PLXNA2: variants seen among roughly 807,000 people sequenced by gnomAD.
The protein encoded by PLXNA2 is plexin-A2.
A neutral mutation model predicts 193.5 loss-of-function variants in PLXNA2; 91 were observed. The ratio of observed to expected loss-of-function variants is 0.47; its 90% CI spans 0.40 to 0.56. The LOEUF (loss-of-function observed/expected upper bound fraction) is 0.56. Ranked by LOEUF, PLXNA2 falls within the 20% of genes least tolerant of loss-of-function variation. PLXNA2 has a pLI of 0.00. For missense variants in PLXNA2, 1,995 were observed against 2,503.2 expected, an observed-to-expected ratio of 0.80 and a Z score of 4.33; for synonymous variants, 997 against 1,027.3, an observed-to-expected ratio of 0.97 and a Z score of 0.56.
intron 3 of PLXNA2, among the ~76,000 whole-genome samples, chr1:208,144,467 A>G (rs539936587): frequency 2.7e-4 from 41 of 152,274 alleles, no homozygotes; most frequent in African/African-American, 8.2e-4. Flanking sequence ...CCATGAGTCC[A>G]TCGTGGGGTG....
At chr1:208,035,921 C>G (rs577304242) in intron 26 of PLXNA2, among the ~76,000 whole-genome samples, 1 of 152,172 alleles carries the variant, frequency 6.6e-6, no homozygotes, top group Non-Finnish European at 1.5e-5. Flanking sequence ...TCTGCAGAAG[C>G]CTGGGAAGTT....
chr1:208,082,620 A>G lies in PLXNA2; in HGVS notation c.2299-112T>C. The G allele has an allele frequency of 1.3e-6, 1 of 782,312 alleles. No homozygotes were observed. Among genetic ancestry groups the G allele is most frequent in the South Asian group, 1.5e-5 (1 of 67,448 alleles). The allele number at this position is 782,312 out of a possible 1,614,324, so 48.5% of individuals were successfully genotyped here. A position where few individuals can be genotyped will look rare whatever the true frequency, so the allele number is the denominator to read the frequency against. On this transcript the variant is annotated intron_variant, in intron 10 of 31. Transcript: ENST00000367033. This position sits in a 1 kb window ranked among gnomAD's most constrained non-coding sequence, Gnocchi z 4.2. ...GATTATTATGACGCTCTTTCCCTGA[A>G]TCCCAGTCACTAATGCCAAGAGAAT... is the stretch of plus-strand genomic sequence containing the variant.
chr1:208,216,844 A>C lies in PLXNA2; in HGVS notation c.1079T>G (p.Ile360Ser), dbSNP rs1028092979. 8.1e-6 allele frequency: 13 copies of C among 1,614,030 alleles called. No individual in the cohort carries two copies. The Admixed American group carries it at 1.0e-4, about 12-fold the overall frequency. Residue 360 changes from isoleucine (I) to serine (S), a missense_variant, in exon 2 of 32, where the codon ATC becomes AGC. This residue lies in a region of PLXNA2 where 702 missense variants were observed against 812.9 expected (regional missense o/e 0.86). Coordinates refer to ENST00000367033, the MANE Select transcript of PLXNA2 (RefSeq NM_025179.4). Reference sequence around the variant, plus strand: ...CTTGATCTGCAAGTTGATGGCCCGGATAGGGAAGGCACACAGGGCAGAGTC... The same window carrying C: ...CTTGATCTGCAAGTTGATGGCCCGGCTAGGGAAGGCACACAGGGCAGAGTC... The part of the protein sequence containing the change: ...PDDSALCAFP[I>S]RAINLQIKER...
intron 1 of PLXNA2, among the ~76,000 whole-genome samples, chr1:208,227,021 T>C (rs181388256): frequency 6.6e-6 from 1 of 152,382 alleles, no homozygotes; most frequent in Admixed American, 6.5e-5. Context: ...CAGGACCCTA[T>C]TTAAACCATC....
At chr1:208,032,951 T>C (rs1174976859) in intron 28 of PLXNA2, among the ~76,000 whole-genome samples, 1 of 152,038 alleles carries the variant, frequency 6.6e-6, no homozygotes, top group African/African-American at 2.4e-5. Flanking sequence ...ATATATTTGC[T>C]ATTTTTGCCA....
chr1:208,133,232 T>G (rs1371106323), intron 4 of PLXNA2, among the ~76,000 whole-genome samples: 3 of 152,348 alleles, frequency 2.0e-5, no homozygotes, highest in Admixed American at 2.0e-4. Context: ...TGAGTTACTT[T>G]AATCATTGAA....
chr1:208,142,498 C>T (rs747936807), intron 3 of PLXNA2, 35 bp from the exon 4 acceptor site: 2 of 1,562,882 alleles, frequency 1.3e-6, no homozygotes, highest in South Asian at 1.2e-5. Flanking sequence ...CAGCATCTGC[C>T]CTCAGTATTC....
At chr1:208,064,439 A>G (rs1187549445) in intron 12 of PLXNA2, among the ~76,000 whole-genome samples, 1 of 152,020 alleles carries the variant, frequency 6.6e-6, no homozygotes, top group Non-Finnish European at 1.5e-5. Flanking sequence ...CCCTTCTGCC[A>G]CACTTTCCAT....
At chr1:208,231,484 GC>G (rs1671690891) in intron 1 of PLXNA2, among the ~76,000 whole-genome samples, 1 of 152,020 alleles carries the variant, frequency 6.6e-6, no homozygotes, top group African/African-American at 2.4e-5. Context: ...CTGGTCACCC[GC>G]CCTCCCCTCC....
chr1:208,080,970 G>T (rs982342204), intron 11 of PLXNA2, among the ~76,000 whole-genome samples: 1 of 152,202 alleles, frequency 6.6e-6, no homozygotes, highest in Non-Finnish European at 1.5e-5. Flanking sequence ...AGCCCAATGC[G>T]CAGCCGGCAG....
rs556098776 is a variant in PLXNA2 at position 208,158,547 on chromosome 1, G to A, written c.1372-16084C>T. Among the ~76,000 whole-genome samples, 26 of 152,186 alleles carry A rather than the reference G, an allele frequency of 1.7e-4. 1 individual carries two copies. The South Asian group carries it at 5.4e-3, about 32-fold the overall frequency. On this transcript the variant is annotated intron_variant, in intron 3 of 31. Coordinates refer to ENST00000367033, the MANE Select transcript of PLXNA2 (RefSeq NM_025179.4). ...CCCAAACTGACCTGTGCCCAAACCT[G>A]GACTTTCATTCTAATCCCAGTGGCC...
At chr1:208,210,004 TGCTTTTGCAGATGTACCTTCTTAAAG>T (rs1670881433) in intron 3 of PLXNA2, 173 of 167,916 alleles carry the variant, frequency 1.0e-3, no homozygotes, top group South Asian at 5.1e-3. Flanking sequence ...TTTTTTTTTT[TGCTTTTGCAGATGTACCTTCTTAAAG>T]TTTTTTCTTA....
At chr1:208,106,174 C>T (rs1380740015) in intron 4 of PLXNA2, among the ~76,000 whole-genome samples, 1 of 151,506 alleles carries the variant, frequency 6.6e-6, no homozygotes, top group Non-Finnish European at 1.5e-5. Context: ...ATTATTCTGT[C>T]CTCTAAGATG....
rs1007564847 is a variant in PLXNA2 at position 208,173,252 on chromosome 1, G to A, written c.1372-30789C>T. Among the ~76,000 whole-genome samples, 14 of 152,134 alleles carry A rather than the reference G, an allele frequency of 9.2e-5. 1 individual carries two copies. The highest frequency in any genetic ancestry group is 3.1e-4 in the African/African-American group (13 of 41,432). On this transcript the variant is annotated intron_variant, in intron 3 of 31. Transcript: ENST00000367033. ...CATTATGTGTGTTTACTAGTATTAC[G>A]GCCACTAGTATTAATGCCTTTACTG...
chr1:208,149,295 T>C (rs745561127), intron 3 of PLXNA2, among the ~76,000 whole-genome samples: 36 of 152,082 alleles, frequency 2.4e-4, no homozygotes, highest in South Asian at 4.1e-4. Context: ...GATATGTATG[T>C]GTGTGGTGTG....
chr1:208,048,489 C>A (rs1427284066), intron 17 of PLXNA2, among the ~76,000 whole-genome samples: 1 of 152,224 alleles, frequency 6.6e-6, no homozygotes, highest in Non-Finnish European at 1.5e-5. Flanking sequence ...AGGCAGGTCA[C>A]CACTGAAACT....
chr1:208,237,691 T>C (rs1195862427), intron 1 of PLXNA2, among the ~76,000 whole-genome samples: 6 of 152,144 alleles, frequency 3.9e-5, no homozygotes, highest in Non-Finnish European at 8.8e-5. Context: ...CTCCTGGAAA[T>C]CTTCACCTCC....
At chr1:208,100,829 G>A (rs1337423284) in intron 5 of PLXNA2, among the ~76,000 whole-genome samples, 1 of 152,160 alleles carries the variant, frequency 6.6e-6, no homozygotes. Context: ...TAGCAGGTGG[G>A]CAGGTGACAC....
chr1:208,232,868 C>T (rs763839003), intron 1 of PLXNA2, among the ~76,000 whole-genome samples: 2 of 152,214 alleles, frequency 1.3e-5, no homozygotes, highest in African/African-American at 2.4e-5. Context: ...GGACCTGACA[C>T]TCCACTTCAT....
Sources: gnomAD v4.1 joint callset for allele counts (sites outside exome capture counted in the v4.1 genomes callset) on GRCh38, gnomAD v4.1.1 for gene constraint, gnomAD v4.1.1 regional missense constraint, Gnocchi (gnomAD v3.1) non-coding constraint, MANE v1.5 for transcripts, NCBI Gene and HGNC (gene_info 2026-07-23, HGNC 2026-07-21) for gene names.